Variants in LRRC4C observed in about 807,000 individuals in gnomAD.
LRRC4C encodes leucine rich repeat containing 4C.
A neutral mutation model predicts 33.6 loss-of-function variants in LRRC4C; 5 were observed. That is an observed-to-expected ratio of 0.15 (90% CI 0.08 to 0.31). LRRC4C has a LOEUF of 0.31. Ranked by LOEUF, LRRC4C falls within the 10% of genes least tolerant of loss-of-function variation. The pLI, the probability that LRRC4C is intolerant of heterozygous loss-of-function variation, is 1.00. For synonymous variants in LRRC4C, 329 were observed against 302.0 expected, an observed-to-expected ratio of 1.09 and a Z score of -0.93; for missense variants, 560 against 796.7, an observed-to-expected ratio of 0.70 and a Z score of 3.58.
intron 1 of LRRC4C, among the ~76,000 whole-genome samples, chr11:41,370,103 C>G (rs1304977393): frequency 6.6e-6 from 1 of 152,148 alleles, no homozygotes; most frequent in Non-Finnish European, 1.5e-5. Context: ...TGGCACACTT[C>G]TTTATACTCA....
intron 3 of LRRC4C, among the ~76,000 whole-genome samples, chr11:40,522,210 A>G (rs1347595361): frequency 6.6e-6 from 1 of 152,198 alleles, no homozygotes; most frequent in Non-Finnish European, 1.5e-5. Context: ...ATATATTTTT[A>G]GTAGAGACGA....
At chr11:40,838,532 GAATT>G (rs1351940521) in intron 2 of LRRC4C, among the ~76,000 whole-genome samples, 6 of 152,014 alleles carry the variant, frequency 3.9e-5, no homozygotes, top group Non-Finnish European at 5.9e-5. Flanking sequence ...CAATGAACAT[GAATT>G]ACTTTCTGTG....
intron 1 of LRRC4C, among the ~76,000 whole-genome samples, chr11:41,191,886 G>T (rs188566329): frequency 2.0e-5 from 3 of 152,196 alleles, no homozygotes; most frequent in Admixed American, 2.0e-4. Context: ...AAGCAGCTAT[G>T]GTACCACCTT....
intron 2 of LRRC4C, among the ~76,000 whole-genome samples, chr11:40,757,455 C>G (rs1022867492): frequency 3.3e-5 from 5 of 152,096 alleles, no homozygotes; most frequent in African/African-American, 1.2e-4. Flanking sequence ...GTTAATATAA[C>G]TGCTATAGCT....
At chr11:40,595,561 CT>C (rs1242725019) in intron 3 of LRRC4C, among the ~76,000 whole-genome samples, 1 of 152,096 alleles carries the variant, frequency 6.6e-6, no homozygotes, top group Non-Finnish European at 1.5e-5. Context: ...TTCTCCAACT[CT>C]TCCTTAACTA....
intron 1 of LRRC4C, among the ~76,000 whole-genome samples, chr11:41,059,212 T>TG (rs1555056823): frequency 1.7e-4 from 24 of 145,080 alleles, no homozygotes; most frequent in South Asian, 4.5e-4. Flanking sequence ...AAATAAAAGT[T>TG]TTTTTTTTTT....
Position 40,636,988 on chromosome 11 carries a change from G to C in LRRC4C, c.-270+11154C>G, listed in dbSNP as rs1057284489. Among the ~76,000 whole-genome samples, 3 of 152,134 alleles carry C rather than the reference G, an allele frequency of 2.0e-5. No individual in the cohort carries two copies. The South Asian group carries it at 6.2e-4, about 32-fold the overall frequency. On this transcript the variant is annotated intron_variant, in intron 3 of 6. Transcript: ENST00000528697. ...AACATTGCACTGGCATCTGTGGTAGGAGGATCATTCCCCCCTTAACCCTGC... is the reference window on the plus strand; with the variant it reads ...AACATTGCACTGGCATCTGTGGTAGCAGGATCATTCCCCCCTTAACCCTGC...
chr11:40,359,064 G>T (rs1359812822), intron 3 of LRRC4C, among the ~76,000 whole-genome samples: 1 of 151,984 alleles, frequency 6.6e-6, no homozygotes, highest in Non-Finnish European at 1.5e-5. Flanking sequence ...CTGATAAATT[G>T]TTTAGGGAAA....
At chr11:40,874,089 G>A (rs1426867488) in intron 2 of LRRC4C, among the ~76,000 whole-genome samples, 1 of 152,180 alleles carries the variant, frequency 6.6e-6, no homozygotes, top group East Asian at 1.9e-4. Flanking sequence ...GAAAGTAAAA[G>A]CATAGAGAAA....
intron 1 of LRRC4C, among the ~76,000 whole-genome samples, chr11:41,152,288 C>T (rs955306473): frequency 6.6e-6 from 1 of 152,178 alleles, no homozygotes; most frequent in Admixed American, 6.5e-5. Flanking sequence ...AAGCTGACTT[C>T]TCCAGAGTCA....
intron 2 of LRRC4C, among the ~76,000 whole-genome samples, chr11:40,919,422 A>G (rs1349279029): frequency 6.6e-6 from 1 of 152,176 alleles, no homozygotes. Flanking sequence ...CGTTATCTAA[A>G]GGAGCTGGCT....
intron 2 of LRRC4C, among the ~76,000 whole-genome samples, chr11:40,789,463 C>G (rs1411157948): frequency 6.6e-6 from 1 of 152,112 alleles, no homozygotes; most frequent in Non-Finnish European, 1.5e-5. Flanking sequence ...AAAATTATAA[C>G]TTAACTTTAA....
intron 3 of LRRC4C, among the ~76,000 whole-genome samples, chr11:40,465,165 A>T (rs1356020625): frequency 6.6e-6 from 1 of 152,178 alleles, no homozygotes; most frequent in East Asian, 1.9e-4. Flanking sequence ...TCATACCTAT[A>T]GACAACCAAT....
At chr11:40,492,933 C>T (rs1283829549) in intron 3 of LRRC4C, among the ~76,000 whole-genome samples, 1 of 152,016 alleles carries the variant, frequency 6.6e-6, no homozygotes, top group East Asian at 1.9e-4. Flanking sequence ...GAATTTTATA[C>T]TATCACCTTT....
intron 5 of LRRC4C, among the ~76,000 whole-genome samples, chr11:40,238,354 T>G (rs1053251281): frequency 6.6e-6 from 1 of 152,198 alleles, no homozygotes; most frequent in African/African-American, 2.4e-5. Context: ...AACCTGCTTT[T>G]CAATTGGATA....
intron 2 of LRRC4C, among the ~76,000 whole-genome samples, chr11:40,903,420 A>G (rs1956291599): frequency 6.6e-6 from 1 of 152,256 alleles, no homozygotes; most frequent in South Asian, 2.1e-4. Flanking sequence ...CACATCATCC[A>G]TTCTGCAACC....
chr11:40,368,131 T>C (rs891847302), intron 3 of LRRC4C, among the ~76,000 whole-genome samples: 9 of 152,128 alleles, frequency 5.9e-5, no homozygotes, highest in South Asian at 2.1e-4. Flanking sequence ...GTGGGATAAA[T>C]ATATATATCT....
At chr11:40,377,401 C>T (rs551959155) in intron 3 of LRRC4C, among the ~76,000 whole-genome samples, 30 of 152,222 alleles carry the variant, frequency 2.0e-4, no homozygotes, top group African/African-American at 7.2e-4. Flanking sequence ...AATTTGTCAT[C>T]AACAATATTT....
chr11:40,475,454 A>G (rs1190447343), intron 3 of LRRC4C, among the ~76,000 whole-genome samples: 2 of 151,978 alleles, frequency 1.3e-5, no homozygotes, highest in African/African-American at 4.8e-5. Flanking sequence ...CCTGTCAGTG[A>G]GTGGGGGCTA....
Sources: gnomAD v4.1 joint callset for allele counts (sites outside exome capture counted in the v4.1 genomes callset) on GRCh38, gnomAD v4.1.1 for gene constraint, MANE v1.5 for transcripts, NCBI Gene and HGNC (gene_info 2026-07-23, HGNC 2026-07-21) for gene names.